Variants in PRPF6 observed in about 807,000 individuals in gnomAD.
PRPF6 encodes the protein pre-mRNA-processing factor 6.
Under a neutral mutation model 118.3 loss-of-function variants are expected in PRPF6, and 42 were observed. The observed-to-expected ratio is 0.35, with a 90% CI of 0.28 to 0.46. The LOEUF (loss-of-function observed/expected upper bound fraction) is 0.46. PRPF6 is among the 20% of genes least tolerant of loss of function. The pLI is 1.00. For synonymous variants in PRPF6, 481 were observed against 485.1 expected, an observed-to-expected ratio of 0.99 and a Z score of 0.11; for missense variants, 662 against 1,255.7, an observed-to-expected ratio of 0.53 and a Z score of 7.15.
chr20:64,013,480 C>T (rs550605715), intron 11 of PRPF6, among the ~76,000 whole-genome samples: 10 of 151,662 alleles, frequency 6.6e-5, no homozygotes, highest in East Asian at 3.9e-4. Context: ...AGGGTCTCGC[C>T]GTGTTGCTCA....
At chr20:64,015,385 C>T (rs555418968) in intron 11 of PRPF6, among the ~76,000 whole-genome samples, 161 of 152,354 alleles carry the variant, frequency 1.1e-3, no homozygotes, top group Admixed American at 2.5e-3. Flanking sequence ...GTCTCTGCCT[C>T]AGATCCTTGC....
intron 13 of PRPF6, among the ~76,000 whole-genome samples, chr20:64,023,853 C>T (rs929299893): frequency 2.6e-5 from 4 of 152,250 alleles, no homozygotes; most frequent in East Asian, 1.9e-4. Flanking sequence ...CAGTGCCCTC[C>T]GACTTCCCTG....
chr20:63,993,226 A>ATGTGTG (rs61077852), intron 3 of PRPF6, among the ~76,000 whole-genome samples, 181 bp from the exon 4 acceptor site: 3,903 of 129,282 alleles, frequency 0.03, 63 homozygotes, highest in Non-Finnish European at 0.036. Context: ...AAAAAAAAAA[A>ATGTGTG]TGTGTGTGTG....
At chr20:64,007,142 C>T (rs1483489937) in intron 9 of PRPF6, among the ~76,000 whole-genome samples, 2 of 152,254 alleles carry the variant, frequency 1.3e-5, no homozygotes, top group African/African-American at 4.8e-5. Flanking sequence ...CTTCCTTCCA[C>T]ACCATCTCCT....
chr20:64,024,416 G>T, intron 13 of PRPF6, 139 bp from the exon 14 acceptor site: 1 of 1,145,548 alleles, frequency 8.7e-7, no homozygotes, highest in Non-Finnish European at 1.3e-6. Flanking sequence ...TCTCCCCATT[G>T]TAAAATCTGG....
chr20:64,008,632 T>TTC (rs987992183), intron 9 of PRPF6, among the ~76,000 whole-genome samples: 1 of 87,698 alleles, frequency 1.1e-5, no homozygotes, highest in Non-Finnish European at 2.2e-5. Flanking sequence ...TAGGTCACTC[T>TTC]TTGCTTTTAT....
rs750205504 is a variant in PRPF6 at position 64,031,968 on chromosome 20, G to A, written c.2597G>A (p.Arg866His). The A allele has an allele frequency of 1.2e-6, 2 of 1,614,172 alleles. No homozygotes were observed. The highest frequency in any genetic ancestry group is 1.7e-6 in the Non-Finnish European group (2 of 1,180,026). ...KITKAREWFH[R>H]TVKIDSDLGD... ...ACCAAGGCCAGGGAGTGGTTCCACC[G>A]CACTGTGAAGATTGACTCGGACCTG... Residue 866 changes from arginine to histidine, a missense_variant, in exon 20 of 21, where the codon CGC becomes CAC. Arg to His is a conservative substitution (Grantham distance 29). Around this residue, in one of 10 missense-constraint regions of PRPF6, gnomAD observed 244 missense variants for 383.7 expected, o/e 0.64. Coordinates refer to ENST00000266079, the MANE Select transcript of PRPF6 (RefSeq NM_012469.4).
At position 64,026,165 on chromosome 20, in the gene PRPF6, G is replaced by A. The variant is rs1488492658; in HGVS notation, c.2028+107G>A. 5.8e-6 allele frequency: 9 copies of A among 1,542,808 alleles called. No homozygotes were observed. The highest frequency in any genetic ancestry group is 2.3e-5 in the East Asian group (1 of 42,880). On this transcript the variant is annotated intron_variant, in intron 15 of 20. Transcript: ENST00000266079. The surrounding 1 kb of genome is among the most constrained non-coding windows in gnomAD (Gnocchi z 4.4). Reference sequence around the variant, plus strand: ...GGGAGTGAGATGACGGCAGGCAAACGAGACCACAGCACACTCATCTTTGTG... The same window carrying A: ...GGGAGTGAGATGACGGCAGGCAAACAAGACCACAGCACACTCATCTTTGTG...
At chr20:63,989,271 C>G (rs1233990596) in intron 3 of PRPF6, among the ~76,000 whole-genome samples, 1 of 152,072 alleles carries the variant, frequency 6.6e-6, no homozygotes, top group East Asian at 1.9e-4. Flanking sequence ...GCTGAAACTA[C>G]TAGAAGAAAA....
intron 20 of PRPF6, 59 bp downstream of exon 20, chr20:64,032,103 G>A (rs1382385304): frequency 8.7e-6 from 14 of 1,610,284 alleles, no homozygotes; most frequent in Middle Eastern, 1.9e-4. Flanking sequence ...GGGGAGTTCC[G>A]CCAGCCCTGG....
intron 14 of PRPF6, 58 bp from the exon 15 acceptor site, chr20:64,025,881 A>T: frequency 6.2e-7 from 1 of 1,612,714 alleles, no homozygotes; most frequent in East Asian, 2.2e-5. Context: ...ATTAAGTGTG[A>T]TCAGGCGCTG....
intron 9 of PRPF6, among the ~76,000 whole-genome samples, chr20:64,008,990 A>G (rs1345892205): frequency 6.6e-6 from 1 of 152,158 alleles, no homozygotes; most frequent in Non-Finnish European, 1.5e-5. Flanking sequence ...ACATGTAATA[A>G]TGAGGTATTT....
intron 1 of PRPF6, among the ~76,000 whole-genome samples, chr20:63,981,576 G>A (rs1450209457): frequency 6.6e-6 from 1 of 152,164 alleles, no homozygotes; most frequent in Non-Finnish European, 1.5e-5. Flanking sequence ...ACGGTCTGCA[G>A]TGAGGAGTAG....
chr20:64,002,858 G>A (rs934086294), intron 9 of PRPF6, among the ~76,000 whole-genome samples: 10 of 150,940 alleles, frequency 6.6e-5, no homozygotes, highest in African/African-American at 2.0e-4. Context: ...TGACCAGGCT[G>A]GTCTTGAACT....
rs2059303137 is a variant in PRPF6 at position 64,028,936 on chromosome 20, G to A, written c.2431+367G>A. Among the ~76,000 whole-genome samples, 1 of 152,180 alleles carries A rather than the reference G, an allele frequency of 6.6e-6. No individual in the cohort carries two copies. Among genetic ancestry groups the A allele is most frequent in the African/African-American group, 2.4e-5 (1 of 41,458 alleles). On this transcript the variant is annotated intron_variant, in intron 18 of 20. Transcript: ENST00000266079. This position sits in a 1 kb window ranked among gnomAD's most constrained non-coding sequence, Gnocchi z 6.5. ...AGCACTTTGAGAGACTGAGGCGGGA[G>A]GATTGCTTGAGTCCAGGAGTCCATT...
intron 19 of PRPF6, among the ~76,000 whole-genome samples, chr20:64,030,810 C>T (rs2059310964): frequency 6.6e-6 from 1 of 152,218 alleles, no homozygotes; most frequent in African/African-American, 2.4e-5. Flanking sequence ...AAAAAACAAT[C>T]AGGTTATCAG....
rs1471171587 is a variant in PRPF6 at position 64,027,420 on chromosome 20, C to T, written c.2206-183C>T. Among the ~76,000 whole-genome samples the T allele has an allele frequency of 6.6e-6, 1 of 152,104 alleles. No homozygotes were observed. Among genetic ancestry groups the T allele is most frequent in the Non-Finnish European group, 1.5e-5 (1 of 68,022 alleles). ...AGGCTGGTACGTACAGACCTGTGTG[C>T]ACAGGTCCACAGCACCACCGCACAC... On this transcript the variant is annotated intron_variant, in intron 16 of 20. Transcript: ENST00000266079. This position sits in a 1 kb window ranked among gnomAD's most constrained non-coding sequence, Gnocchi z 6.5.
At chr20:63,999,241 G>C (rs1601516581) in intron 7 of PRPF6, 102 bp downstream of exon 7, 1 of 983,626 alleles carries the variant, frequency 1.0e-6, no homozygotes, top group Non-Finnish European at 1.6e-6. Context: ...GGACATGGCG[G>C]TTCTAAGAAA....
intron 7 of PRPF6, 95 bp downstream of exon 7, chr20:63,999,234 C>G: frequency 9.8e-7 from 1 of 1,015,740 alleles, no homozygotes; most frequent in Non-Finnish European, 1.5e-6. Context: ...CAAAATGGGA[C>G]ATGGCGGTTC....
Sources: allele counts gnomAD v4.1 joint callset (sites outside exome capture counted in the v4.1 genomes callset), GRCh38; gene constraint gnomAD v4.1.1; regional missense constraint gnomAD v4.1.1; non-coding constraint Gnocchi (gnomAD v3.1); transcripts MANE v1.5; gene names NCBI Gene and HGNC (gene_info 2026-07-23, HGNC 2026-07-21).